Variants in PDE4B observed in about 807,000 individuals in gnomAD.
PDE4B encodes 3',5'-cyclic-AMP phosphodiesterase 4B.
In PDE4B, 20 loss-of-function variants were observed where a neutral mutation model predicts 82.2. The observed-to-expected ratio is 0.24, with a 90% CI of 0.17 to 0.35. The LOEUF (loss-of-function observed/expected upper bound fraction) is 0.35, where lower values mean the gene tolerates loss of function less well. Among genes scored for constraint, PDE4B ranks in the 10% least tolerant of loss-of-function variants. The pLI is 1.00. For missense variants in PDE4B, 655 were observed against 907.2 expected, an observed-to-expected ratio of 0.72 and a Z score of 3.57; for synonymous variants, 320 against 318.9, an observed-to-expected ratio of 1.00 and a Z score of -0.04.
intron 3 of PDE4B, among the ~76,000 whole-genome samples, chr1:66,170,973 C>G (rs2101335522): frequency 6.6e-6 from 1 of 152,242 alleles, no homozygotes; most frequent in Non-Finnish European, 1.5e-5. Flanking sequence ...AATGTCAAGG[C>G]TTTTTGGAGA....
intron 3 of PDE4B, among the ~76,000 whole-genome samples, chr1:66,018,555 A>G (rs1025877487): frequency 6.6e-6 from 1 of 152,120 alleles, no homozygotes; most frequent in Non-Finnish European, 1.5e-5. Context: ...ATATCAAAGG[A>G]CAATTCCAAT....
At chr1:65,886,159 AT>A (rs1208910198) in intron 1 of PDE4B, among the ~76,000 whole-genome samples, 2 of 151,934 alleles carry the variant, frequency 1.3e-5, no homozygotes, top group African/African-American at 4.8e-5. Flanking sequence ...AAACAAAAAA[AT>A]AAATTGCTGA....
chr1:66,021,344 G>A (rs895971475), intron 3 of PDE4B, among the ~76,000 whole-genome samples: 1 of 152,108 alleles, frequency 6.6e-6, no homozygotes, highest in African/African-American at 2.4e-5. Flanking sequence ...GTCAATTTTG[G>A]CTTTTGTTGC....
intron 3 of PDE4B, among the ~76,000 whole-genome samples, chr1:66,008,065 C>T (rs747826288): frequency 2.6e-5 from 4 of 152,144 alleles, no homozygotes; most frequent in Non-Finnish European, 4.4e-5. Flanking sequence ...TTCACATGTT[C>T]CCTTATTAAA....
rs77566064 is a variant in PDE4B at position 65,833,555 on chromosome 1, C to T, written c.-71+40307C>T. Among the ~76,000 whole-genome samples the T allele has an allele frequency of 8.0e-3, 1,222 of 152,216 alleles. 7 individuals are homozygous for T. Among genetic ancestry groups the T allele is most frequent in the Middle Eastern group, 0.075 (22 of 294 alleles). ...GCTGTCACAGGAAGTGTTAAAGCAC[C>T]GATTGGTTATACTAGGCAGATGTAG... On this transcript the variant is annotated intron_variant, in intron 1 of 16. Coordinates refer to ENST00000341517, the MANE Select transcript of PDE4B (RefSeq NM_002600.4).
intron 3 of PDE4B, among the ~76,000 whole-genome samples, chr1:66,179,529 CATA>C (rs1647016317): frequency 6.6e-6 from 1 of 152,126 alleles, no homozygotes; most frequent in Non-Finnish European, 1.5e-5. Flanking sequence ...AAAAGTATAT[CATA>C]ATAAATACTC....
intron 1 of PDE4B, among the ~76,000 whole-genome samples, chr1:65,896,717 T>A (rs1235838566): frequency 2.0e-5 from 3 of 152,212 alleles, no homozygotes; most frequent in Non-Finnish European, 4.4e-5. Context: ...TCTGAAAGAC[T>A]TGGGATAAAT....
intron 3 of PDE4B, chr1:66,042,621 GC>G (rs1381606739): frequency 5.3e-5 from 8 of 151,688 alleles, no homozygotes; most frequent in Non-Finnish European, 1.2e-4. Context: ...TCTCCATAAA[GC>G]ATAATTTCTC....
At chr1:66,048,997 C>G (rs1283099399) in intron 3 of PDE4B, 1 of 151,934 alleles carries the variant, frequency 6.6e-6, no homozygotes, top group Non-Finnish European at 1.5e-5. Context: ...TATGATTTAT[C>G]CAGTAATGCA....
intron 3 of PDE4B, among the ~76,000 whole-genome samples, chr1:66,138,447 A>C (rs1570322415): frequency 6.6e-6 from 1 of 152,112 alleles, no homozygotes; most frequent in Non-Finnish European, 1.5e-5. Context: ...TAAACCCTGG[A>C]GGCGGAGGTT....
chr1:66,099,199 A>G (rs1162154980), intron 3 of PDE4B, among the ~76,000 whole-genome samples: 1 of 151,996 alleles, frequency 6.6e-6, no homozygotes, highest in East Asian at 1.9e-4. Flanking sequence ...GCTCCAACTT[A>G]TAAGTGAGAA....
At chr1:66,101,166 C>A (rs1033708208) in intron 3 of PDE4B, among the ~76,000 whole-genome samples, 3 of 152,056 alleles carry the variant, frequency 2.0e-5, no homozygotes, top group Non-Finnish European at 4.4e-5. Context: ...TAAACTCAAC[C>A]TTTTTTATGG....
intron 3 of PDE4B, among the ~76,000 whole-genome samples, chr1:66,123,207 G>C (rs1350763801): frequency 6.6e-6 from 1 of 152,112 alleles, no homozygotes; most frequent in Non-Finnish European, 1.5e-5. Context: ...ATTTTAACAA[G>C]AGAAAATGGC....
chr1:66,348,930 A>G (rs1235846783), intron 8 of PDE4B, among the ~76,000 whole-genome samples: 1 of 152,146 alleles, frequency 6.6e-6, no homozygotes, highest in Non-Finnish European at 1.5e-5. Context: ...AGAAATTGCT[A>G]TAAACATTCT....
intron 3 of PDE4B, among the ~76,000 whole-genome samples, chr1:66,059,519 C>T (rs1408936068): frequency 6.6e-6 from 1 of 152,188 alleles, no homozygotes; most frequent in African/African-American, 2.4e-5. Flanking sequence ...TTCCACATGG[C>T]TGGGGAGGCC....
At chr1:65,869,554 T>G (rs547104627) in intron 1 of PDE4B, among the ~76,000 whole-genome samples, 2 of 152,316 alleles carry the variant, frequency 1.3e-5, no homozygotes, top group East Asian at 1.9e-4. Flanking sequence ...TGATAGTAAT[T>G]AATCATCATG....
intron 9 of PDE4B, among the ~76,000 whole-genome samples, chr1:66,359,225 T>G (rs954984310): frequency 2.0e-5 from 3 of 152,250 alleles, no homozygotes; most frequent in Non-Finnish European, 4.4e-5. Flanking sequence ...GAATTTTGCA[T>G]AATTGAAAAG....
intron 3 of PDE4B, among the ~76,000 whole-genome samples, chr1:66,214,207 T>C (rs1042321953): frequency 5.9e-5 from 9 of 152,216 alleles, no homozygotes; most frequent in Non-Finnish European, 1.2e-4. Context: ...AACAAGCATT[T>C]TCTACAGGAA....
chr1:66,235,915 A>T (rs1652391019), intron 3 of PDE4B, among the ~76,000 whole-genome samples: 1 of 152,208 alleles, frequency 6.6e-6, no homozygotes. Flanking sequence ...AGAAAACAGT[A>T]ATGTACAGAA....
Sources: gnomAD v4.1 joint callset for allele counts (sites outside exome capture counted in the v4.1 genomes callset) on GRCh38, gnomAD v4.1.1 for gene constraint, MANE v1.5 for transcripts, NCBI Gene and HGNC (gene_info 2026-07-23, HGNC 2026-07-21) for gene names.